The following SOX6 variants were observed in gnomAD, a reference collection of about 807,000 sequenced individuals.
The protein encoded by SOX6 is transcription factor SOX-6.
In SOX6, 11 loss-of-function variants were observed where a neutral mutation model predicts 97.8. The observed-to-expected ratio is 0.11, with a 90% CI of 0.07 to 0.19. The LOEUF (loss-of-function observed/expected upper bound fraction) is 0.19, where lower values mean the gene tolerates loss of function less well. Among genes scored for constraint, SOX6 ranks in the 10% least tolerant of loss-of-function variants. SOX6 has a pLI of 1.00. For missense variants in SOX6, 810 were observed against 1,039.5 expected (o/e 0.78, Z 3.04); for synonymous variants, 360 against 371.4 (o/e 0.97, Z 0.35).
chr11:16,637,857 G>T (rs940887044), intron 3 of SOX6, among the ~76,000 whole-genome samples: 1 of 152,014 alleles, frequency 6.6e-6, no homozygotes, highest in Non-Finnish European at 1.5e-5. Flanking sequence ...TATAGGCAAG[G>T]CCTGGAAGGA....
At chr11:16,026,787 T>C (rs78315516) in intron 12 of SOX6, among the ~76,000 whole-genome samples, 4,164 of 152,166 alleles carry the variant, frequency 0.027, 190 homozygotes, top group African/African-American at 0.095. Flanking sequence ...TTTCTTAAGA[T>C]GAAGTAAAAT....
intron 1 of SOX6, among the ~76,000 whole-genome samples, chr11:16,470,380 T>C (rs1240643315): frequency 1.3e-5 from 2 of 152,164 alleles, no homozygotes; most frequent in African/African-American, 4.8e-5. Flanking sequence ...TATGCTCAGT[T>C]TTAAACAGAT....
chr11:16,458,528 A>G (rs1353083856), intron 1 of SOX6, among the ~76,000 whole-genome samples: 1 of 152,106 alleles, frequency 6.6e-6, no homozygotes, highest in Non-Finnish European at 1.5e-5. Context: ...TTGATAAGAT[A>G]AAGCTTCACT....
At chr11:16,654,319 C>G (rs1266374683) in intron 3 of SOX6, among the ~76,000 whole-genome samples, 1 of 152,134 alleles carries the variant, frequency 6.6e-6, no homozygotes, top group Non-Finnish European at 1.5e-5. Context: ...CAGGCACATA[C>G]CGCCATGCTT....
At position 16,564,919 on chromosome 11, in the gene SOX6, C is replaced by A. The variant is rs192998117; in HGVS notation, n.609+47162G>T. On this transcript the variant is annotated intron_variant and non_coding_transcript_variant, in intron 4 of 5. Coordinates refer to the SOX6 transcript ENST00000524520. ...TCAAGAACCCAGAAAAACAAGAGAG[C>A]AAAATTAACCCAAAGCAAGCAGAAG... Among the ~76,000 whole-genome samples the A allele has an allele frequency of 5.2e-4, 79 of 151,458 alleles. 1 individual carries two copies. The East Asian group carries it at 0.014, about 26-fold the overall frequency.
intron 3 of SOX6, among the ~76,000 whole-genome samples, chr11:16,683,514 G>A (rs1379580972): frequency 3.3e-5 from 5 of 152,144 alleles, no homozygotes; most frequent in Non-Finnish European, 5.9e-5. Context: ...AATGGTGCTG[G>A]GAAAATTGGC....
At chr11:16,717,700 C>T (rs1164409903) in intron 2 of SOX6, among the ~76,000 whole-genome samples, 3 of 152,106 alleles carry the variant, frequency 2.0e-5, no homozygotes, top group Non-Finnish European at 4.4e-5. Flanking sequence ...CTTTTTGCAG[C>T]TTGTTTGTAA....
chr11:16,428,831 G>A (rs894529385), intron 1 of SOX6, among the ~76,000 whole-genome samples: 1 of 151,930 alleles, frequency 6.6e-6, no homozygotes, highest in African/African-American at 2.4e-5. Context: ...TTCCATATGA[G>A]CTTTAATGTA....
chr11:16,570,534 C>T (rs1471184754), intron 4 of SOX6, among the ~76,000 whole-genome samples: 1 of 152,152 alleles, frequency 6.6e-6, no homozygotes, highest in Non-Finnish European at 1.5e-5. Flanking sequence ...TAAACACACA[C>T]TTTTTCTCTA....
chr11:15,983,586 A>G (rs1364596032), intron 15 of SOX6, among the ~76,000 whole-genome samples: 3 of 152,148 alleles, frequency 2.0e-5, no homozygotes, highest in Non-Finnish European at 4.4e-5. Flanking sequence ...AATAAAGATC[A>G]ATTTCCAAAG....
chr11:16,312,419 C>A (rs1855630522), intron 3 of SOX6: 1 of 152,134 alleles, frequency 6.6e-6, no homozygotes, highest in Admixed American at 6.6e-5. Context: ...CCAGGGCCCT[C>A]GGCCTAGGAT....
chr11:16,161,261 CTT>C (rs1850742661), intron 6 of SOX6, among the ~76,000 whole-genome samples: 1 of 151,504 alleles, frequency 6.6e-6, no homozygotes, highest in South Asian at 2.1e-4. Context: ...TTTATTTTCT[CTT>C]TATTCTTGGA....
At chr11:16,052,826 G>A (rs1847719274) in intron 10 of SOX6, among the ~76,000 whole-genome samples, 1 of 152,160 alleles carries the variant, frequency 6.6e-6, no homozygotes, top group Non-Finnish European at 1.5e-5. Context: ...CCCCAGTACT[G>A]AGGTTATACC....
chr11:16,248,534 C>T (rs1318834743), intron 3 of SOX6, among the ~76,000 whole-genome samples: 1 of 152,228 alleles, frequency 6.6e-6, no homozygotes, highest in Non-Finnish European at 1.5e-5. Flanking sequence ...ACCCTCAGAT[C>T]CTACCCCTCG....
intron 3 of SOX6, among the ~76,000 whole-genome samples, chr11:16,646,652 C>T (rs889272316): frequency 2.0e-5 from 3 of 152,032 alleles, no homozygotes; most frequent in Non-Finnish European, 2.9e-5. Context: ...GTCCCACAGC[C>T]CATTGTATAA....
intron 4 of SOX6, among the ~76,000 whole-genome samples, chr11:16,225,778 C>G (rs1852671422): frequency 6.6e-6 from 1 of 152,192 alleles, no homozygotes; most frequent in Admixed American, 6.5e-5. Flanking sequence ...TTTCTGTGCA[C>G]TCCTCCGAAG....
intron 6 of SOX6, among the ~76,000 whole-genome samples, chr11:16,152,372 T>G (rs922524870): frequency 1.3e-5 from 2 of 152,138 alleles, no homozygotes; most frequent in African/African-American, 4.8e-5. Flanking sequence ...AGAACCCAAA[T>G]CTGGCTGGAG....
intron 4 of SOX6, among the ~76,000 whole-genome samples, chr11:16,221,413 T>C (rs1365611438): frequency 6.6e-6 from 1 of 152,000 alleles, no homozygotes; most frequent in Non-Finnish European, 1.5e-5. Flanking sequence ...ATACTTTTAA[T>C]AGTCTATGTG....
intron 4 of SOX6, among the ~76,000 whole-genome samples, chr11:16,571,646 G>T (rs565689326): frequency 1.3e-5 from 2 of 151,852 alleles, no homozygotes; most frequent in African/African-American, 2.4e-5. Flanking sequence ...GGGGGGTTTT[G>T]TTATTGTGGT....
Sources: allele counts gnomAD v4.1 joint callset (sites outside exome capture counted in the v4.1 genomes callset), GRCh38; gene constraint gnomAD v4.1.1; transcripts MANE v1.5; gene names NCBI Gene and HGNC (gene_info 2026-07-23, HGNC 2026-07-21).